Variants in CCDC170 observed in about 807,000 individuals in gnomAD.
The protein encoded by CCDC170 is coiled-coil domain containing 170.
In CCDC170, 69 loss-of-function variants were observed where a neutral mutation model predicts 72.6. The observed-to-expected ratio is 0.95, with a 90% CI of 0.78 to 1.16. The LOEUF (loss-of-function observed/expected upper bound fraction) is 1.16, where lower values mean the gene tolerates loss of function less well. CCDC170 is among the 50% of genes most tolerant of loss of function. The pLI, the probability that CCDC170 is intolerant of heterozygous loss-of-function variation, is 0.00. For missense variants in CCDC170, 852 were observed against 832.5 expected (o/e 1.02, Z -0.29); for synonymous variants, 300 against 303.9 (o/e 0.99, Z 0.13).
chr6:151,535,274 A>G (rs927972285), intron 1 of CCDC170, among the ~76,000 whole-genome samples: 1 of 152,166 alleles, frequency 6.6e-6, no homozygotes, highest in African/African-American at 2.4e-5. Context: ...CCAAAATTGG[A>G]GTGGTTTGGC....
chr6:151,588,619 A>G (rs546085039), intron 7 of CCDC170, among the ~76,000 whole-genome samples: 2 of 152,252 alleles, frequency 1.3e-5, no homozygotes, highest in African/African-American at 4.8e-5. Context: ...ATGTCTGTAA[A>G]GGTGTGATGG....
chr6:151,542,255 C>G (rs1782703071), intron 3 of CCDC170, among the ~76,000 whole-genome samples: 1 of 146,394 alleles, frequency 6.8e-6, no homozygotes, highest in African/African-American at 2.5e-5. Flanking sequence ...GGTTTTCACT[C>G]TGCCACCCAG....
At chr6:151,612,139 T>C (rs1776883136) in intron 9 of CCDC170, among the ~76,000 whole-genome samples, 1 of 152,170 alleles carries the variant, frequency 6.6e-6, no homozygotes, top group Admixed American at 6.5e-5. Flanking sequence ...AGCAGTCACA[T>C]CTCCTCTAGA....
At position 151,572,649 on chromosome 6, in the gene CCDC170, G is replaced by GTTTTTTTTT. The variant is rs1213267537; in HGVS notation, c.775-513_775-505dup. 6.0e-3 allele frequency among the ~76,000 whole-genome samples: 228 copies of GTTTTTTTTT among 37,914 alleles called. 6 individuals carry two copies. Among genetic ancestry groups the GTTTTTTTTT allele is most frequent in the African/African-American group, 7.0e-3 (57 of 8,140 alleles). The allele number at this position is 37,914 out of a possible 152,430, so 24.9% of individuals were successfully genotyped here. ...TTTATATTTTATATCCCTTCTCTGT[G>GTTTTTTTTT]TTTTTTTTTTTTTTTTTTTTGATGG... On this transcript the variant is annotated intron_variant, in intron 5 of 10. Transcript: ENST00000239374.
In CCDC170 at chr6:151,596,589, G is replaced by A. The variant is rs1776629382; in HGVS notation, c.1710+12G>A. 2 of 1,611,734 alleles carry A rather than the reference G, an allele frequency of 1.2e-6. No homozygotes were observed. Among genetic ancestry groups the A allele is most frequent in the Non-Finnish European group, 1.7e-6 (2 of 1,178,386 alleles). The stretch of plus-strand genomic sequence containing the variant: ...CCAATGAACTGAAGGCAAGTGCTTG[G>A]CTTCATTTTGTTGTTGCTTTTTGCT... On this transcript the variant is annotated intron_variant, in intron 9 of 10. Coordinates refer to ENST00000239374, the MANE Select transcript of CCDC170 (RefSeq NM_025059.4).
At chr6:151,517,203 A>G (rs926718357) in intron 1 of CCDC170, among the ~76,000 whole-genome samples, 7 of 152,068 alleles carry the variant, frequency 4.6e-5, no homozygotes, top group African/African-American at 1.7e-4. Flanking sequence ...GTGGTGGCAC[A>G]TGCCTATAAT....
intron 7 of CCDC170, among the ~76,000 whole-genome samples, chr6:151,589,349 A>T (rs1562292360): frequency 6.6e-6 from 1 of 152,198 alleles, no homozygotes; most frequent in Admixed American, 6.5e-5. Context: ...ATTGGAAGCC[A>T]TCTAACTGCC....
intron 6 of CCDC170, among the ~76,000 whole-genome samples, chr6:151,580,054 C>A (rs1316870047): frequency 1.3e-5 from 2 of 152,144 alleles, no homozygotes. Context: ...CAGTATCACT[C>A]CCTTAGTCTA....
chr6:151,578,474 C>T (rs1776334876), intron 6 of CCDC170, among the ~76,000 whole-genome samples: 1 of 152,144 alleles, frequency 6.6e-6, no homozygotes, highest in Non-Finnish European at 1.5e-5. Context: ...TGTCGGTCTT[C>T]GTGTCCAAAT....
chr6:151,539,875 C>A (rs1583016734), intron 3 of CCDC170, among the ~76,000 whole-genome samples: 1 of 152,312 alleles, frequency 6.6e-6, no homozygotes. Context: ...TTGATCATTT[C>A]AAAATTCTTG....
At chr6:151,506,220 A>G (rs76202178) in intron 1 of CCDC170, among the ~76,000 whole-genome samples, 19,648 of 152,270 alleles carry the variant, frequency 0.13, 1,436 homozygotes, top group Middle Eastern at 0.2. Context: ...ACCTCCAAGT[A>G]ATGGAATGAA....
intron 5 of CCDC170, among the ~76,000 whole-genome samples, chr6:151,552,754 C>A (rs957323998): frequency 2.1e-5 from 3 of 140,026 alleles, no homozygotes; most frequent in Non-Finnish European, 3.1e-5. Flanking sequence ...GGCCACTGAA[C>A]TAAAACCAGC....
rs78462879 is a variant in CCDC170, at chr6:151,536,817, G to T, written c.186+371G>T. 3.3e-3 allele frequency among the ~76,000 whole-genome samples: 488 copies of T among 148,958 alleles called. 3 individuals carry two copies. The highest frequency in any genetic ancestry group is 0.012 in the African/African-American group (472 of 40,382). Reference sequence around the variant, plus strand: ...AAAAAAAGAAAAAGAAAAAGAGACAGAATGTAGGAGTGATTAGAAATAGGA... The same window carrying T: ...AAAAAAAGAAAAAGAAAAAGAGACATAATGTAGGAGTGATTAGAAATAGGA... On this transcript the variant is annotated intron_variant, in intron 2 of 10. Coordinates refer to ENST00000239374, the MANE Select transcript of CCDC170 (RefSeq NM_025059.4).
At chr6:151,605,662 GT>G (rs1236192481) in intron 9 of CCDC170, among the ~76,000 whole-genome samples, 2 of 152,114 alleles carry the variant, frequency 1.3e-5, no homozygotes, top group Non-Finnish European at 2.9e-5. Flanking sequence ...GTCTGGGGAG[GT>G]TTTCTGCACT....
At chr6:151,603,470 C>G (rs74714219) in intron 9 of CCDC170, among the ~76,000 whole-genome samples, 8,742 of 152,262 alleles carry the variant, frequency 0.057, 307 homozygotes, top group South Asian at 0.096. Context: ...TTGGCACAAA[C>G]ATAGCCTTAT....
In CCDC170 at chr6:151,499,629, GCA is replaced by G. The variant is rs1562820299; in HGVS notation, c.57+5445_57+5446del. The stretch of plus-strand genomic sequence containing the variant: ...CGTATTTGACTATTTTAGGCACGCT[GCA>G]TAAGTGGAATCATGCTGTATTTGAC... On this transcript the variant is annotated intron_variant, in intron 1 of 10. Transcript: ENST00000239374. 4.2e-4 allele frequency among the ~76,000 whole-genome samples: 63 copies of G among 151,574 alleles called. 5 individuals are homozygous for G. The Middle Eastern group carries it at 0.01, about 25-fold the overall frequency.
At chr6:151,562,098 C>T (rs939121523) in intron 5 of CCDC170, among the ~76,000 whole-genome samples, 1 of 151,918 alleles carries the variant, frequency 6.6e-6, no homozygotes, top group African/African-American at 2.4e-5. Flanking sequence ...TTAATATGGG[C>T]ATCTAATCTT....
intron 6 of CCDC170, among the ~76,000 whole-genome samples, chr6:151,580,513 G>A (rs1214068812): frequency 6.6e-6 from 1 of 152,036 alleles, no homozygotes; most frequent in African/African-American, 2.4e-5. Context: ...AGCTATGAAT[G>A]TATCAGTAGA....
chr6:151,524,322 A>G lies in CCDC170; in HGVS notation c.58-11996A>G, dbSNP rs536516516. Among the ~76,000 whole-genome samples the G allele has an allele frequency of 6.6e-5, 10 of 152,258 alleles. No individual in the cohort carries two copies. In the East Asian group the frequency reaches 1.4e-3, roughly 21 times the overall value. On this transcript the variant is annotated intron_variant, in intron 1 of 10. Coordinates refer to ENST00000239374, the MANE Select transcript of CCDC170 (RefSeq NM_025059.4). ...ACCCACCCTAACTGTCTGCCTGACTAGTTTCTTCCTTTCTCCTCTCTCAGC... is the reference window on the plus strand; with the variant it reads ...ACCCACCCTAACTGTCTGCCTGACTGGTTTCTTCCTTTCTCCTCTCTCAGC...
Sources: gnomAD v4.1 joint callset for allele counts (sites outside exome capture counted in the v4.1 genomes callset) on GRCh38, gnomAD v4.1.1 for gene constraint, MANE v1.5 for transcripts, NCBI Gene and HGNC (gene_info 2026-07-23, HGNC 2026-07-21) for gene names.